Variants in SLC25A4 observed in about 807,000 individuals in gnomAD.
The protein encoded by SLC25A4 is solute carrier family 25 member 4, also known as ADP/ATP translocase 1.
In SLC25A4, 10 loss-of-function variants were observed where a neutral mutation model predicts 24.7. The observed-to-expected ratio is 0.41, with a 90% CI of 0.25 to 0.69. The LOEUF (loss-of-function observed/expected upper bound fraction) is 0.69. SLC25A4 is among the 30% of genes least tolerant of loss of function. SLC25A4 has a pLI of 0.35. For synonymous variants in SLC25A4, 125 were observed against 153.3 expected (o/e 0.82, Z 1.36); for missense variants, 273 against 387.6 (o/e 0.70, Z 2.48).
At chr4:185,146,133 G>A (rs1323804139) in intron 3 of SLC25A4, among the ~76,000 whole-genome samples, 3 of 152,140 alleles carry the variant, frequency 2.0e-5, no homozygotes, top group African/African-American at 4.8e-5. Context: ...ATTTAGATGT[G>A]AATTTAACTA....
intron 1 of SLC25A4, 56 bp downstream of exon 1, chr4:185,143,539 C>A (rs925123792): frequency 6.0e-6 from 4 of 664,734 alleles, no homozygotes; most frequent in African/African-American, 4.0e-5. Context: ...GGGCGGGGCG[C>A]GCGATGCGGC....
In SLC25A4 at chr4:185,147,100, A is replaced by G; in HGVS notation, c.*129A>G. 1.3e-6 allele frequency: 1 copy of G among 773,594 alleles called. No homozygotes were observed. Among genetic ancestry groups the G allele is most frequent in the Non-Finnish European group, 2.2e-6 (1 of 463,610 alleles). The allele number at this position is 773,594 out of a possible 1,614,324, so 47.9% of individuals were successfully genotyped here. Reference sequence around the variant, plus strand: ...CTGGGATAAAACCAGACTGAAAGGAATACCTCAGAAGAGATGCTTCATTGA... The same window carrying G: ...CTGGGATAAAACCAGACTGAAAGGAGTACCTCAGAAGAGATGCTTCATTGA... On this transcript the variant is annotated 3_prime_UTR_variant, in exon 4 of 4. Coordinates refer to ENST00000281456, the MANE Select transcript of SLC25A4 (RefSeq NM_001151.4).
chr4:185,143,884 C>T (rs376404719), intron 1 of SLC25A4, among the ~76,000 whole-genome samples: 7 of 152,304 alleles, frequency 4.6e-5, no homozygotes, highest in African/African-American at 1.4e-4. Context: ...TAATCATCAC[C>T]CAAGAATTCC....
Position 185,145,580 on chromosome 4 carries a change from G to T in SLC25A4, c.599-179G>T. 1 of 769,336 alleles carries T rather than the reference G, an allele frequency of 1.3e-6. No homozygotes were observed. Among genetic ancestry groups the T allele is most frequent in the Non-Finnish European group, 2.1e-6 (1 of 485,174 alleles). 47.7% of individuals were successfully genotyped at this position (769,336 alleles called of 1,614,324 possible). On this transcript the variant is annotated intron_variant, in intron 2 of 3. Coordinates refer to ENST00000281456, the MANE Select transcript of SLC25A4 (RefSeq NM_001151.4). This position sits in a 1 kb window ranked among gnomAD's most constrained non-coding sequence, Gnocchi z 5.5. ...GCTGAGCACTGCCCCTCCGGGGTCC[G>T]GAGAGGGCAGCAGCCACCTTTGCTG... is the stretch of plus-strand genomic sequence containing the variant.
chr4:185,149,534 C>G lies in SLC25A4; in HGVS notation c.*2563C>G, dbSNP rs954536555. ...TTAACTCACCATGAATTCCTAGAAC[C>G]CTCAGCCTCTGAGAGTGCTGGGATC... On this transcript the variant is annotated 3_prime_UTR_variant, in exon 4 of 4. Coordinates refer to ENST00000281456, the MANE Select transcript of SLC25A4 (RefSeq NM_001151.4). 4 of 152,266 alleles carry G rather than the reference C, an allele frequency of 2.6e-5. No individual in the cohort carries two copies. The highest frequency in any genetic ancestry group is 2.0e-4 in the Admixed American group (3 of 15,268). The allele number at this position is 152,266 out of a possible 1,614,324, so 9.4% of individuals were successfully genotyped here. A position where few individuals can be genotyped will look rare whatever the true frequency, so the allele number is the denominator to read the frequency against.
intron 3 of SLC25A4, 131 bp from the exon 4 acceptor site, chr4:185,146,683 A>G: frequency 1.0e-6 from 1 of 976,150 alleles, no homozygotes; most frequent in Non-Finnish European, 1.6e-6. Context: ...GGGATGTTGC[A>G]TGGAGCTGGG....
At chr4:185,144,283 CTCCT>C (rs959274709) in intron 1 of SLC25A4, among the ~76,000 whole-genome samples, 1 of 152,180 alleles carries the variant, frequency 6.6e-6, no homozygotes, top group African/African-American at 2.4e-5. Flanking sequence ...TGGATTTATT[CTCCT>C]TCCTCTATTA....
Position 185,147,029 on chromosome 4 carries a change from T to TTTACAGTGAACTTGATCTACAAGTTCA in SLC25A4, c.*58_*59insTTACAGTGAACTTGATCTACAAGTTCA. The TTTACAGTGAACTTGATCTACAAGTTCA allele has an allele frequency of 1.3e-6, 2 of 1,514,042 alleles. No homozygotes were observed. The highest frequency in any genetic ancestry group is 9.1e-7 in the Non-Finnish European group (1 of 1,095,160). 93.8% of individuals were successfully genotyped at this position (1,514,042 alleles called of 1,614,324 possible). On this transcript the variant is annotated 3_prime_UTR_variant, in exon 4 of 4. Coordinates refer to ENST00000281456, the MANE Select transcript of SLC25A4 (RefSeq NM_001151.4). Reference sequence around the variant, plus strand: ...TGAACTTGATCTACAAGTTCACAGATCCATTGTGTGGTTTAATAGACTATT... The same window carrying TTTACAGTGAACTTGATCTACAAGTTCA: ...TGAACTTGATCTACAAGTTCACAGATTTACAGTGAACTTGATCTACAAGTTCACCATTGTGTGGTTTAATAGACTATT...
Position 185,145,687 on chromosome 4 carries a change from T to C in SLC25A4, c.599-72T>C. ...GCATGGAGCTGGAGGTGCAGTGGCC[T>C]CTCTCCCTCCACCTGCTTTCTGCTG... On this transcript the variant is annotated intron_variant, in intron 2 of 3. Transcript: ENST00000281456. This position sits in a 1 kb window ranked among gnomAD's most constrained non-coding sequence, Gnocchi z 5.5. 1.9e-6 allele frequency: 3 copies of C among 1,580,888 alleles called. No individual in the cohort carries two copies. The highest frequency in any genetic ancestry group is 1.1e-5 in the South Asian group (1 of 89,052).
In SLC25A4 at chr4:185,145,229, G is replaced by A. The variant is rs1553967623; in HGVS notation, c.577G>A (p.Gly193Arg). ...GIIIYRAAYF[G>R]VYDTAKGMLP... ...CATTATCTATAGAGCTGCCTACTTC[G>A]GAGTCTATGATACTGCCAAGGGTGA... The change falls in exon 2 of 4, where the codon GGA (glycine) becomes AGA (arginine). Residue 193 changes from glycine (G) to arginine (R), a missense_variant. Physicochemically the swap from Gly to Arg is moderately radical, Grantham distance 125. Coordinates refer to ENST00000281456, the MANE Select transcript of SLC25A4 (RefSeq NM_001151.4). This position sits in a 1 kb window ranked among gnomAD's most constrained non-coding sequence, Gnocchi z 5.5. The A allele has an allele frequency of 1.9e-6, 3 of 1,613,922 alleles. No homozygotes were observed. Among genetic ancestry groups the A allele is most frequent in the Non-Finnish European group, 2.5e-6 (3 of 1,180,024 alleles).
rs1333878382 is a variant in SLC25A4, at chr4:185,145,132, TATC to T, written c.485_487del (p.Ile162del). 3.1e-6 allele frequency: 5 copies of T among 1,612,854 alleles called. No individual in the cohort carries two copies. The highest frequency in any genetic ancestry group is 4.2e-6 in the Non-Finnish European group (5 of 1,179,064). Reference sequence around the variant, plus strand: ...GTGAGTTCCATGGTCTGGGCGACTGTATCATCAAGATCTTCAAGTCTGATGGCC... The same window carrying T: ...GTGAGTTCCATGGTCTGGGCGACTGTATCAAGATCTTCAAGTCTGATGGCC... On this transcript the variant is annotated inframe_deletion, in exon 2 of 4. Transcript: ENST00000281456. The surrounding 1 kb of genome is among the most constrained non-coding windows in gnomAD (Gnocchi z 5.5).
At position 185,148,301 on chromosome 4, in the gene SLC25A4, A is replaced by T. The variant is rs1212196036; in HGVS notation, c.*1330A>T. 6.6e-6 allele frequency: 1 copy of T among 152,110 alleles called. No homozygotes were observed. Among genetic ancestry groups the T allele is most frequent in the African/African-American group, 2.4e-5 (1 of 41,390 alleles). The allele number at this position is 152,110 out of a possible 1,614,324, so 9.4% of individuals were successfully genotyped here. ...AAATGCCCCTCCTCCAAACACCACC[A>T]CTTTGGGGGTTAAGATTTCAACAGA... is the stretch of plus-strand genomic sequence containing the variant. On this transcript the variant is annotated 3_prime_UTR_variant, in exon 4 of 4. Coordinates refer to ENST00000281456, the MANE Select transcript of SLC25A4 (RefSeq NM_001151.4).
At chr4:185,146,249 C>T (rs1277103042) in intron 3 of SLC25A4, among the ~76,000 whole-genome samples, 1 of 152,088 alleles carries the variant, frequency 6.6e-6, no homozygotes, top group Non-Finnish European at 1.5e-5. Context: ...CTCTTGCTTC[C>T]CTCCTAGTTA....
chr4:185,147,177 C>A lies in SLC25A4; in HGVS notation c.*206C>A. On this transcript the variant is annotated 3_prime_UTR_variant, in exon 4 of 4. Transcript: ENST00000281456. Reference sequence around the variant, plus strand: ...TGTATTTATTTTACATTTAAATTCCCACAGCAAATAGAAAATAATTTATCA... The same window carrying A: ...TGTATTTATTTTACATTTAAATTCCAACAGCAAATAGAAAATAATTTATCA... 1 of 539,860 alleles carries A rather than the reference C, an allele frequency of 1.9e-6. No homozygotes were observed. The highest frequency in any genetic ancestry group is 3.3e-6 in the Non-Finnish European group (1 of 304,692). 33.4% of individuals were successfully genotyped at this position (539,860 alleles called of 1,614,324 possible).
rs905218790 is a variant in SLC25A4, at chr4:185,143,299, G to A, written c.-74G>A. ...AGCGTCGCGCAGGGTCGGGGACTGC[G>A]CGGCGGTGCCAGGCCGGGCGTGGGC... On this transcript the variant is annotated 5_prime_UTR_variant, in exon 1 of 4. Transcript: ENST00000281456. The A allele has an allele frequency of 7.0e-6, 6 of 854,810 alleles. No individual in the cohort carries two copies. Among genetic ancestry groups the A allele is most frequent in the Non-Finnish European group, 1.1e-5 (6 of 538,416 alleles). The allele number at this position is 854,810 out of a possible 1,614,324, so 53.0% of individuals were successfully genotyped here. A position where few individuals can be genotyped will look rare whatever the true frequency, so the allele number is the denominator to read the frequency against.
rs1475331589 is a variant in SLC25A4, at chr4:185,145,942, C to T, written c.739+43C>T. ...TCATCTAAACTTGTTTGGTTTTGCC[C>T]GAGGAGAACATTTTACAGGGCTCCT... On this transcript the variant is annotated intron_variant, in intron 3 of 3. Transcript: ENST00000281456. The surrounding 1 kb of genome is among the most constrained non-coding windows in gnomAD (Gnocchi z 5.5). 5.6e-6 allele frequency: 9 copies of T among 1,611,142 alleles called. No homozygotes were observed. The highest frequency in any genetic ancestry group is 2.2e-5 in the East Asian group (1 of 44,854).
chr4:185,144,881 A>G lies in SLC25A4; in HGVS notation c.229A>G (p.Asn77Asp). ...CTCCTTCTGGAGGGGTAACCTGGCCAACGTGATCCGTTACTTCCCCACCCA... is the reference window on the plus strand; with the variant it reads ...CTCCTTCTGGAGGGGTAACCTGGCCGACGTGATCCGTTACTTCCCCACCCA... ...FLSFWRGNLANVIRYFPTQAL... is the reference protein window; with the variant it reads ...FLSFWRGNLADVIRYFPTQAL... The change falls in exon 2 of 4, where the codon AAC (asparagine) becomes GAC (aspartate). Residue 77 changes from asparagine to aspartate, a missense_variant. By Grantham distance (23) the Asn-to-Asp change is conservative. Coordinates refer to ENST00000281456, the MANE Select transcript of SLC25A4 (RefSeq NM_001151.4). 2 of 1,614,204 alleles carry G rather than the reference A, an allele frequency of 1.2e-6. No homozygotes were observed. The highest frequency in any genetic ancestry group is 1.7e-6 in the Non-Finnish European group (2 of 1,180,036).
rs1326173692 is a variant in SLC25A4, at chr4:185,145,152, C to A, written c.500C>A (p.Ser167Tyr). 5 of 1,613,532 alleles carry A rather than the reference C, an allele frequency of 3.1e-6. No homozygotes were observed. The highest frequency in any genetic ancestry group is 4.2e-6 in the Non-Finnish European group (5 of 1,179,566). ...GACTGTATCATCAAGATCTTCAAGT[C>A]TGATGGCCTGAGGGGGCTCTACCAG... Reference protein sequence around the residue: ...LGDCIIKIFKSDGLRGLYQGF... With the variant: ...LGDCIIKIFKYDGLRGLYQGF... The change falls in exon 2 of 4, where the codon TCT (serine) becomes TAT (tyrosine). Residue 167 changes from serine (S) to tyrosine (Y), a missense_variant. Ser to Tyr is a moderately radical substitution (Grantham distance 144). Transcript: ENST00000281456. The surrounding 1 kb of genome is among the most constrained non-coding windows in gnomAD (Gnocchi z 5.5).
In SLC25A4 at chr4:185,149,696, C is replaced by G. The variant is rs1734504621; in HGVS notation, c.*2725C>G. ...GAATTGAGCGTCCGACTCTCGGGTA[C>G]CTGCCCCAGGCATTTCTCATCAGCC... On this transcript the variant is annotated 3_prime_UTR_variant, in exon 4 of 4. Transcript: ENST00000281456. The G allele has an allele frequency of 6.6e-6, 1 of 152,222 alleles. No homozygotes were observed. Among genetic ancestry groups the G allele is most frequent in the Admixed American group, 6.6e-5 (1 of 15,260 alleles). 9.4% of individuals were successfully genotyped at this position (152,222 alleles called of 1,614,324 possible).
Sources: gnomAD v4.1 joint callset for allele counts (sites outside exome capture counted in the v4.1 genomes callset) on GRCh38, gnomAD v4.1.1 for gene constraint, Gnocchi (gnomAD v3.1) non-coding constraint, MANE v1.5 for transcripts, NCBI Gene and HGNC (gene_info 2026-07-23, HGNC 2026-07-21) for gene names.